Variants in FBLN5 observed in about 807,000 individuals in gnomAD.
FBLN5 encodes the protein fibulin 5, also known as fibulin-5.
Under a neutral mutation model 61.6 loss-of-function variants are expected in FBLN5, and 24 were observed. The observed-to-expected ratio is 0.39, with a 90% CI of 0.28 to 0.55. The LOEUF is 0.55. Ranked by LOEUF, FBLN5 falls within the 20% of genes least tolerant of loss-of-function variation. The probability of loss-of-function intolerance (pLI) is 0.65; values close to 1 mark genes in which losing one functional copy is unlikely to be tolerated. For synonymous variants in FBLN5, 213 were observed against 219.8 expected, an observed-to-expected ratio of 0.97 and a Z score of 0.27; for missense variants, 470 against 594.1, an observed-to-expected ratio of 0.79 and a Z score of 2.17.
chr14:91,870,963 A>G (rs563024830), intron 10 of FBLN5, among the ~76,000 whole-genome samples: 21 of 152,142 alleles, frequency 1.4e-4, no homozygotes, highest in Non-Finnish European at 2.2e-4. Flanking sequence ...GTACATACAC[A>G]TGGACACAAA....
Position 91,943,099 on chromosome 14 carries a change from A to G in FBLN5, c.18-138T>C, listed in dbSNP as rs2056132664. On this transcript the variant is annotated intron_variant, in intron 1 of 10. Coordinates refer to ENST00000342058, the MANE Select transcript of FBLN5 (RefSeq NM_006329.4). The surrounding 1 kb of genome is among the most constrained non-coding windows in gnomAD (Gnocchi z 4.0). ...GGGTGGGGTGTGCTCCAGGGAGGTCATGGTGGTTCCAGACACCGCGACCAC... is the reference window on the plus strand; with the variant it reads ...GGGTGGGGTGTGCTCCAGGGAGGTCGTGGTGGTTCCAGACACCGCGACCAC... The G allele has an allele frequency of 4.2e-6, 3 of 709,018 alleles. No individual in the cohort carries two copies. The highest frequency in any genetic ancestry group is 7.8e-6 in the Non-Finnish European group (3 of 384,656). 43.9% of individuals were successfully genotyped at this position (709,018 alleles called of 1,614,324 possible).
At chr14:91,884,380 A>G (rs977142321) in intron 7 of FBLN5, among the ~76,000 whole-genome samples, 1 of 152,136 alleles carries the variant, frequency 6.6e-6, no homozygotes, top group Non-Finnish European at 1.5e-5. Flanking sequence ...TGACTGTCCT[A>G]TTTTATTTCC....
intron 5 of FBLN5, among the ~76,000 whole-genome samples, chr14:91,893,815 T>C (rs1890094666): frequency 6.6e-6 from 1 of 152,140 alleles, no homozygotes; most frequent in East Asian, 1.9e-4. Flanking sequence ...AGGAGTAAAA[T>C]GGAAGGCCAT....
rs886050889 is a variant in FBLN5, at chr14:91,937,075, T to C, written c.251A>G (p.Tyr84Cys). The change falls in exon 4 of 11, where the codon TAC (tyrosine) becomes TGC (cysteine). Residue 84 changes from tyrosine (Y) to cysteine (C), a missense_variant. Coordinates refer to ENST00000342058, the MANE Select transcript of FBLN5 (RefSeq NM_006329.4). ...PVYRGPYSNPYSTPYSGPYPA... is the reference protein window; with the variant it reads ...PVYRGPYSNPCSTPYSGPYPA... Reference sequence around the variant, plus strand: ...GTACGGACCTGAGTAGGGGGTCGAGTAGGGGTTCGAGTAGGGCCCTCGATA... The same window carrying C: ...GTACGGACCTGAGTAGGGGGTCGAGCAGGGGTTCGAGTAGGGCCCTCGATA... 5 of 1,613,274 alleles carry C rather than the reference T, an allele frequency of 3.1e-6. No homozygotes were observed. Among genetic ancestry groups the C allele is most frequent in the Non-Finnish European group, 4.2e-6 (5 of 1,179,806 alleles).
chr14:91,928,564 G>A (rs1171041914), intron 4 of FBLN5, among the ~76,000 whole-genome samples: 1 of 152,022 alleles, frequency 6.6e-6, no homozygotes, highest in African/African-American at 2.4e-5. Flanking sequence ...TTGAGCCCAG[G>A]AGTTAGAGAC....
chr14:91,883,156 C>G, intron 7 of FBLN5, 80 bp from the exon 8 acceptor site: 1 of 1,496,634 alleles, frequency 6.7e-7, no homozygotes, highest in Non-Finnish European at 9.3e-7. Context: ...TACTCCAACT[C>G]TCACACTGTC....
At chr14:91,870,641 C>G (rs571075317) in intron 10 of FBLN5, among the ~76,000 whole-genome samples, 2 of 152,378 alleles carry the variant, frequency 1.3e-5, no homozygotes, top group Admixed American at 6.5e-5. Flanking sequence ...CCTGCGACCT[C>G]TGACGCTGCA....
Position 91,947,411 on chromosome 14 carries a change from G to T in FBLN5, c.-182C>A. The T allele has an allele frequency of 1.4e-6, 1 of 692,416 alleles. No homozygotes were observed. Among genetic ancestry groups the T allele is most frequent in the East Asian group, 2.7e-5 (1 of 36,984 alleles). 42.9% of individuals were successfully genotyped at this position (692,416 alleles called of 1,614,324 possible). A position where few individuals can be genotyped will look rare whatever the true frequency, so the allele number is the denominator to read the frequency against. On this transcript the variant is annotated 5_prime_UTR_variant, in exon 1 of 11. Transcript: ENST00000342058. The surrounding 1 kb of genome is among the most constrained non-coding windows in gnomAD (Gnocchi z 4.3). ...GAGCGCCGGGGTCCTCCCAGCCACT[G>T]CAGAGCCCTCAGCGCAAGCACCTGG...
intron 4 of FBLN5, among the ~76,000 whole-genome samples, chr14:91,904,218 C>T (rs959563067): frequency 6.6e-6 from 1 of 152,040 alleles, no homozygotes; most frequent in Non-Finnish European, 1.5e-5. Context: ...AGTATTAAAG[C>T]GAATTATACT....
At position 91,877,556 on chromosome 14, in the gene FBLN5, G is replaced by T. The variant is rs764602827; in HGVS notation, c.1116C>A (p.Thr372=). The T allele has an allele frequency of 1.2e-5, 20 of 1,614,046 alleles. No individual in the cohort carries two copies. The Admixed American group carries it at 3.2e-4, about 26-fold the overall frequency. ...PADIFQMQAT[T]RYPGAYYIFQ... is the part of the protein sequence containing the mutation. Reference sequence around the variant, plus strand: ...AAATGTAATAGGCCCCAGGGTAGCGGGTCGTGGCTTGCATTTGGAAGATGT... The same window carrying T: ...AAATGTAATAGGCCCCAGGGTAGCGTGTCGTGGCTTGCATTTGGAAGATGT... The change falls in exon 10 of 11, where the codon ACC becomes ACA. Residue 372 remains threonine, a synonymous_variant. Transcript: ENST00000342058.
intron 3 of FBLN5, among the ~76,000 whole-genome samples, chr14:91,937,830 A>T (rs1259865607): frequency 6.6e-6 from 1 of 152,214 alleles, no homozygotes; most frequent in African/African-American, 2.4e-5. Context: ...ATTTAGGTAT[A>T]AGCAACAGAG....
chr14:91,918,198 A>T (rs904149751), intron 4 of FBLN5, among the ~76,000 whole-genome samples: 1 of 152,182 alleles, frequency 6.6e-6, no homozygotes, highest in South Asian at 2.1e-4. Flanking sequence ...CATCCTCCAC[A>T]TACCATTTGG....
rs1294940708 is a variant in FBLN5, at chr14:91,891,135, T to C, written c.619+86A>G. 53 of 818,638 alleles carry C rather than the reference T, an allele frequency of 6.5e-5. 3 individuals are homozygous for C. In the South Asian group the frequency reaches 6.9e-4, roughly 11 times the overall value. The allele number at this position is 818,638 out of a possible 1,614,324, so 50.7% of individuals were successfully genotyped here. A position where few individuals can be genotyped will look rare whatever the true frequency, so the allele number is the denominator to read the frequency against. On this transcript the variant is annotated intron_variant, in intron 6 of 10. Transcript: ENST00000342058. ...TGGGAATATACTGTAGCAGCAGTAT[T>C]TCCCACAAACATAAGCTGCCAGGTG...
At chr14:91,928,082 A>G (rs1566824254) in intron 4 of FBLN5, among the ~76,000 whole-genome samples, 1 of 152,180 alleles carries the variant, frequency 6.6e-6, no homozygotes. Flanking sequence ...AACCAAAGCC[A>G]TCTACCACTG....
At chr14:91,939,481 A>G (rs1471394512) in intron 3 of FBLN5, among the ~76,000 whole-genome samples, 2 of 151,994 alleles carry the variant, frequency 1.3e-5, no homozygotes, top group Non-Finnish European at 2.9e-5. Context: ...CTGGGGCTAC[A>G]AGCACATGCC....
intron 4 of FBLN5, among the ~76,000 whole-genome samples, chr14:91,905,762 T>C (rs1356813158): frequency 6.6e-6 from 1 of 151,746 alleles, no homozygotes; most frequent in Non-Finnish European, 1.5e-5. Flanking sequence ...GTATTTTTAG[T>C]AGAGATGGGG....
At chr14:91,935,824 C>A (rs1220564344) in intron 4 of FBLN5, among the ~76,000 whole-genome samples, 2 of 152,216 alleles carry the variant, frequency 1.3e-5, no homozygotes, top group Non-Finnish European at 2.9e-5. Flanking sequence ...TCCCTTTGCA[C>A]AGTCATCTAC....
chr14:91,939,272 C>T (rs2056069115), intron 3 of FBLN5, among the ~76,000 whole-genome samples: 1 of 152,052 alleles, frequency 6.6e-6, no homozygotes, highest in Admixed American at 6.6e-5. Context: ...TTCCTTCTAC[C>T]TGGAATGGCA....
chr14:91,921,266 G>A (rs966198667), intron 4 of FBLN5, among the ~76,000 whole-genome samples: 2 of 152,318 alleles, frequency 1.3e-5, no homozygotes, highest in African/African-American at 4.8e-5. Context: ...CAGAGTTTCT[G>A]CCAATGCTTG....
Sources: gnomAD v4.1 joint callset for allele counts (sites outside exome capture counted in the v4.1 genomes callset) on GRCh38, gnomAD v4.1.1 for gene constraint, Gnocchi (gnomAD v3.1) non-coding constraint, MANE v1.5 for transcripts, NCBI Gene and HGNC (gene_info 2026-07-23, HGNC 2026-07-21) for gene names.